SAMD4A: variants seen among roughly 807,000 people sequenced by gnomAD.
SAMD4A encodes the protein protein Smaug homolog 1.
Under a neutral mutation model 81.3 loss-of-function variants are expected in SAMD4A, and 33 were observed. The observed-to-expected ratio is 0.41, with a 90% confidence interval of 0.31 to 0.54. SAMD4A has a LOEUF of 0.54. Among genes scored for constraint, SAMD4A ranks in the 20% least tolerant of loss-of-function variants. SAMD4A has a pLI of 0.37. For missense variants in SAMD4A, 854 were observed against 951.1 expected, an observed-to-expected ratio of 0.90 and a Z score of 1.34; for synonymous variants, 389 against 382.1, an observed-to-expected ratio of 1.02 and a Z score of -0.21.
At chr14:54,576,229 C>A (rs1459799440) in intron 2 of SAMD4A, among the ~76,000 whole-genome samples, 2 of 152,080 alleles carry the variant, frequency 1.3e-5, no homozygotes, top group African/African-American at 4.8e-5. Flanking sequence ...TAAATACATA[C>A]ACAACATTGA....
At chr14:54,705,751 C>T (rs535646143) in intron 3 of SAMD4A, among the ~76,000 whole-genome samples, 4 of 152,190 alleles carry the variant, frequency 2.6e-5, no homozygotes, top group Admixed American at 6.5e-5. Flanking sequence ...CCTAGCACTG[C>T]GTGTAAGTCC....
At chr14:54,734,831 C>T (rs1413098295) in intron 3 of SAMD4A, 1 of 152,180 alleles carries the variant, frequency 6.6e-6, no homozygotes, top group African/African-American at 2.4e-5. Flanking sequence ...CCGTGGTTAG[C>T]GATTAGTTAC....
At chr14:54,684,698 A>G (rs898483941) in intron 2 of SAMD4A, among the ~76,000 whole-genome samples, 1 of 138,840 alleles carries the variant, frequency 7.2e-6, no homozygotes, top group Non-Finnish European at 1.5e-5. Context: ...TGTTAGTTTC[A>G]CTTCTCAGCT....
In SAMD4A at chr14:54,664,499, G is replaced by A. The variant is rs576658577; in HGVS notation, c.197-37563G>A. Among the ~76,000 whole-genome samples, 287 of 152,130 alleles carry A rather than the reference G, an allele frequency of 1.9e-3. 2 individuals are homozygous for A. The highest frequency in any genetic ancestry group is 6.6e-3 in the African/African-American group (272 of 41,494). ...ACACATCGCCCTTGACATGCTCATC[G>A]GGACACAGACCAATTGAGGGAAACT... On this transcript the variant is annotated intron_variant, in intron 2 of 12. Transcript: ENST00000554335.
intron 2 of SAMD4A, 128 bp from the exon 3 acceptor site, chr14:54,701,934 C>A: frequency 9.9e-7 from 1 of 1,008,858 alleles, no homozygotes; most frequent in Non-Finnish European, 1.4e-6. Flanking sequence ...GATTCACAGG[C>A]TCTTTTGAGA....
At chr14:54,597,808 G>C (rs1031560448) in intron 2 of SAMD4A, among the ~76,000 whole-genome samples, 1 of 151,446 alleles carries the variant, frequency 6.6e-6, no homozygotes, top group African/African-American at 2.4e-5. Context: ...CCCAGGTCTC[G>C]AACTCCTGGG....
At position 54,760,509 on chromosome 14, in the gene SAMD4A, G is replaced by A. The variant is rs1454505372; in HGVS notation, c.1510+15G>A. 8.0e-6 allele frequency: 11 copies of A among 1,383,424 alleles called. No homozygotes were observed. The highest frequency in any genetic ancestry group is 3.7e-4 in the Middle Eastern group (2 of 5,384). The allele number at this position is 1,383,424 out of a possible 1,614,324, so 85.7% of individuals were successfully genotyped here. ...CATGGGGAAAGGTAGAGCCTCATTC[G>A]CCCATTTCTTTTTTCTTCTGGATAC... On this transcript the variant is annotated intron_variant, in intron 7 of 12. Coordinates refer to ENST00000554335, the MANE Select transcript of SAMD4A (RefSeq NM_015589.6).
chr14:54,775,193 A>T lies in SAMD4A; in HGVS notation c.1917+58A>T, dbSNP rs2038811028. 3.7e-6 allele frequency: 6 copies of T among 1,602,584 alleles called. No individual in the cohort carries two copies. In the African/African-American group the frequency reaches 6.7e-5, roughly 18 times the overall value. Reference sequence around the variant, plus strand: ...CCAAGCTCAAGGCCCAAGGCTGCAGATGTCCCCCCAGGTGACCCCAGGGTG... The same window carrying T: ...CCAAGCTCAAGGCCCAAGGCTGCAGTTGTCCCCCCAGGTGACCCCAGGGTG... On this transcript the variant is annotated intron_variant, in intron 10 of 12. Transcript: ENST00000554335.
At chr14:54,769,672 C>T (rs1201522403) in intron 8 of SAMD4A, among the ~76,000 whole-genome samples, 2 of 152,084 alleles carry the variant, frequency 1.3e-5, no homozygotes, top group Non-Finnish European at 2.9e-5. Context: ...TCTAGGGTGC[C>T]CACACACCAT....
At chr14:54,758,955 C>T (rs73274811) in intron 6 of SAMD4A, among the ~76,000 whole-genome samples, 1 of 152,306 alleles carries the variant, frequency 6.6e-6, no homozygotes, top group African/African-American at 2.4e-5. Context: ...AGAGGGCCCA[C>T]CCCAGCCGCC....
At chr14:54,587,157 A>G (rs2033645634) in intron 2 of SAMD4A, among the ~76,000 whole-genome samples, 1 of 152,028 alleles carries the variant, frequency 6.6e-6, no homozygotes, top group African/African-American at 2.4e-5. Flanking sequence ...TTGGTTAGGT[A>G]TATTCCTAAG....
intron 2 of SAMD4A, among the ~76,000 whole-genome samples, chr14:54,639,304 C>G (rs925800286): frequency 6.6e-6 from 1 of 152,226 alleles, no homozygotes; most frequent in Non-Finnish European, 1.5e-5. Context: ...ACAATCTCCT[C>G]TAGCCTGCAG....
chr14:54,676,690 A>G (rs2036001901), intron 2 of SAMD4A, among the ~76,000 whole-genome samples: 1 of 152,180 alleles, frequency 6.6e-6, no homozygotes, highest in Non-Finnish European at 1.5e-5. Context: ...TTCTGCTTTT[A>G]GTTCTTTCAG....
chr14:54,619,517 G>A (rs1436394808), intron 2 of SAMD4A, among the ~76,000 whole-genome samples: 1 of 152,034 alleles, frequency 6.6e-6, no homozygotes, highest in Non-Finnish European at 1.5e-5. Context: ...CCTTGGCTAG[G>A]GATAACCTTT....
At chr14:54,768,734 C>A (rs145651190) in intron 8 of SAMD4A, among the ~76,000 whole-genome samples, 13 of 152,364 alleles carry the variant, frequency 8.5e-5, no homozygotes, top group African/African-American at 3.1e-4. Context: ...CCCTCGCCTC[C>A]TAGCCCACCT....
chr14:54,603,677 A>G (rs904712065), intron 2 of SAMD4A, among the ~76,000 whole-genome samples: 1 of 152,176 alleles, frequency 6.6e-6, no homozygotes, highest in Non-Finnish European at 1.5e-5. Flanking sequence ...AGACTGCTGT[A>G]CATGAGTCAT....
At chr14:54,716,328 A>G (rs1032794105) in intron 3 of SAMD4A, among the ~76,000 whole-genome samples, 1 of 152,164 alleles carries the variant, frequency 6.6e-6, no homozygotes, top group Non-Finnish European at 1.5e-5. Flanking sequence ...AGAGCACCCA[A>G]CACTGTCCTA....
chr14:54,691,181 C>T (rs1426864323), intron 2 of SAMD4A, among the ~76,000 whole-genome samples: 3 of 152,278 alleles, frequency 2.0e-5, no homozygotes, highest in African/African-American at 7.2e-5. Flanking sequence ...TGCCTGAGCC[C>T]TCTCACTGTT....
At chr14:54,701,932 G>C in intron 2 of SAMD4A, 130 bp from the exon 3 acceptor site, 1 of 991,370 alleles carries the variant, frequency 1.0e-6, no homozygotes, top group Non-Finnish European at 1.5e-6. Context: ...CTGATTCACA[G>C]GCTCTTTTGA....
Sources: allele counts gnomAD v4.1 joint callset (sites outside exome capture counted in the v4.1 genomes callset), GRCh38; gene constraint gnomAD v4.1.1; transcripts MANE v1.5; gene names NCBI Gene and HGNC (gene_info 2026-07-23, HGNC 2026-07-21).